The following RPIA variants were observed in gnomAD, a reference collection of about 807,000 sequenced individuals.
RPIA encodes the protein ribose-5-phosphate isomerase.
In RPIA, 29 loss-of-function variants were observed where a neutral mutation model predicts 37.8. The ratio of observed to expected loss-of-function variants is 0.77; its 90% CI spans 0.57 to 1.05. The LOEUF (loss-of-function observed/expected upper bound fraction) is 1.05. RPIA is among the 50% of genes least tolerant of loss of function. The pLI is 0.00. For missense variants in RPIA, 385 were observed against 413.6 expected, an observed-to-expected ratio of 0.93 and a Z score of 0.60; for synonymous variants, 167 against 157.0, an observed-to-expected ratio of 1.06 and a Z score of -0.48.
At chr2:88,735,849 C>T (rs2104134254) in intron 6 of RPIA, 112 bp downstream of exon 6, 1 of 1,026,274 alleles carries the variant, frequency 9.7e-7, no homozygotes, top group Non-Finnish European at 1.5e-6. Flanking sequence ...GTCTGACTTT[C>T]TGAGACTGAT....
chr2:88,705,684 A>G (rs1271157751), intron 3 of RPIA, among the ~76,000 whole-genome samples: 3 of 152,234 alleles, frequency 2.0e-5, no homozygotes, highest in African/African-American at 7.2e-5. Flanking sequence ...ATCAAAAACA[A>G]TTGCAACAAA....
At chr2:88,721,360 A>G (rs1673119591) in intron 3 of RPIA, among the ~76,000 whole-genome samples, 2 of 151,384 alleles carry the variant, frequency 1.3e-5, no homozygotes, top group South Asian at 2.1e-4. Flanking sequence ...AACTTAAAGT[A>G]TAATTTAAAA....
intron 1 of RPIA, 25 bp downstream of exon 1, chr2:88,692,008 C>T (rs1468767951): frequency 6.4e-7 from 1 of 1,563,574 alleles, no homozygotes; most frequent in Non-Finnish European, 8.6e-7. Flanking sequence ...ACGTGGGGCG[C>T]GGGGCGCATG....
chr2:88,698,307 A>G (rs1672784783), intron 1 of RPIA, among the ~76,000 whole-genome samples, 177 bp from the exon 2 acceptor site: 1 of 152,172 alleles, frequency 6.6e-6, no homozygotes, highest in Non-Finnish European at 1.5e-5. Flanking sequence ...TGGATTGGCT[A>G]AAGTACAGCA....
At chr2:88,714,392 G>T (rs1279772741) in intron 3 of RPIA, among the ~76,000 whole-genome samples, 2 of 152,064 alleles carry the variant, frequency 1.3e-5, no homozygotes, top group South Asian at 2.1e-4. Flanking sequence ...GGCTGGTCTC[G>T]AACTCCTGGC....
At chr2:88,748,927 T>C (rs1444791023) in intron 8 of RPIA, among the ~76,000 whole-genome samples, 2 of 152,196 alleles carry the variant, frequency 1.3e-5, no homozygotes, top group Non-Finnish European at 1.5e-5. Context: ...TTTCCCAGGC[T>C]GGTCTCGAAC....
chr2:88,699,924 T>G, intron 2 of RPIA, 85 bp from the exon 3 acceptor site: 2 of 1,409,106 alleles, frequency 1.4e-6, no homozygotes, highest in Non-Finnish European at 2.0e-6. Context: ...CCTTCCCTTG[T>G]CTGTTGGTTT....
intron 8 of RPIA, 57 bp downstream of exon 8, chr2:88,738,133 C>T: frequency 7.8e-7 from 1 of 1,277,584 alleles, no homozygotes; most frequent in Non-Finnish European, 1.1e-6. Context: ...ATAACTGGCC[C>T]CTACATCTGG....
At chr2:88,741,015 C>T (rs929225272) in intron 8 of RPIA, among the ~76,000 whole-genome samples, 4 of 151,992 alleles carry the variant, frequency 2.6e-5, no homozygotes, top group South Asian at 2.1e-4. Context: ...ATCACTACTC[C>T]GTTTCATTTG....
intron 7 of RPIA, among the ~76,000 whole-genome samples, chr2:88,737,221 C>G (rs897740810): frequency 6.6e-6 from 1 of 152,176 alleles, no homozygotes; most frequent in Non-Finnish European, 1.5e-5. Context: ...ACTTTTCCCT[C>G]TTTTTATACT....
intron 3 of RPIA, among the ~76,000 whole-genome samples, chr2:88,712,701 G>A (rs1672974328): frequency 6.6e-6 from 1 of 152,168 alleles, no homozygotes; most frequent in African/African-American, 2.4e-5. Flanking sequence ...TTCCAGCACA[G>A]TGGGTATCCC....
intron 1 of RPIA, among the ~76,000 whole-genome samples, chr2:88,695,008 GA>G (rs1204250130): frequency 6.8e-6 from 1 of 147,324 alleles, no homozygotes; most frequent in Non-Finnish European, 1.5e-5. Flanking sequence ...AAAAGAAAAA[GA>G]AAAGCTCGAG....
At chr2:88,721,219 G>T (rs888716900) in intron 3 of RPIA, among the ~76,000 whole-genome samples, 1 of 152,006 alleles carries the variant, frequency 6.6e-6, no homozygotes, top group Non-Finnish European at 1.5e-5. Flanking sequence ...CTGTCAGGGG[G>T]TGAGGGGCTA....
At chr2:88,701,902 G>T (rs1323774092) in intron 3 of RPIA, among the ~76,000 whole-genome samples, 2 of 152,170 alleles carry the variant, frequency 1.3e-5, no homozygotes, top group African/African-American at 4.8e-5. Context: ...GATAATATTT[G>T]TAATGTAGGA....
At chr2:88,749,670 A>G (rs938795066) in intron 8 of RPIA, among the ~76,000 whole-genome samples, 1 of 152,210 alleles carries the variant, frequency 6.6e-6, no homozygotes, top group Non-Finnish European at 1.5e-5. Flanking sequence ...GAGCTGAGCC[A>G]GCCCCTTGAA....
At chr2:88,692,153 T>C (rs1265276178) in intron 1 of RPIA, among the ~76,000 whole-genome samples, 170 bp downstream of exon 1, 1 of 152,194 alleles carries the variant, frequency 6.6e-6, no homozygotes, top group Non-Finnish European at 1.5e-5. Flanking sequence ...TCCCTGCTCC[T>C]TAAAGACCTT....
At chr2:88,734,120 T>C (rs1295266175) in intron 4 of RPIA, among the ~76,000 whole-genome samples, 1 of 151,630 alleles carries the variant, frequency 6.6e-6, no homozygotes, top group Non-Finnish European at 1.5e-5. Context: ...CCACCCCCAG[T>C]GGAATTTAGT....
At chr2:88,709,047 C>T (rs1031283268) in intron 3 of RPIA, among the ~76,000 whole-genome samples, 8 of 152,186 alleles carry the variant, frequency 5.3e-5, no homozygotes, top group Admixed American at 1.3e-4. Context: ...TGAGCCACCG[C>T]GCCCGGCCAG....
intron 3 of RPIA, among the ~76,000 whole-genome samples, chr2:88,708,503 A>G (rs977299061): frequency 2.0e-5 from 3 of 152,226 alleles, no homozygotes; most frequent in Non-Finnish European, 4.4e-5. Context: ...CAAGGAGTAC[A>G]CCGTAAAAAG....
Sources: allele counts gnomAD v4.1 joint callset (sites outside exome capture counted in the v4.1 genomes callset), GRCh38; gene constraint gnomAD v4.1.1; transcripts MANE v1.5; gene names NCBI Gene and HGNC (gene_info 2026-07-23, HGNC 2026-07-21).